ZDHHC23: variants seen among roughly 807,000 people sequenced by gnomAD.
The protein encoded by ZDHHC23 is zDHHC palmitoyltransferase 23.
In ZDHHC23, 41 loss-of-function variants were observed where a neutral mutation model predicts 40.2. The ratio of observed to expected loss-of-function variants is 1.02; its 90% CI spans 0.79 to 1.32. The LOEUF (loss-of-function observed/expected upper bound fraction) is 1.32. Ranked by LOEUF, ZDHHC23 falls within the 40% of genes most tolerant of loss-of-function variation. The pLI is 0.00. For synonymous variants in ZDHHC23, 204 were observed against 210.2 expected, an observed-to-expected ratio of 0.97 and a Z score of 0.26; for missense variants, 471 against 541.5, an observed-to-expected ratio of 0.87 and a Z score of 1.29.
Position 113,954,407 on chromosome 3 carries a change from T to A in ZDHHC23, c.869T>A (p.Val290Asp), listed in dbSNP as rs186186970. 1.3e-6 allele frequency: 2 copies of A among 1,578,886 alleles called. No homozygotes were observed. Among genetic ancestry groups the A allele is most frequent in the East Asian group, 2.3e-5 (1 of 43,338 alleles). Residue 290 changes from valine (V) to aspartate (D), a missense_variant, in exon 3 of 5, where the codon GTC becomes GAC. By Grantham distance (152) the Val-to-Asp change is radical. This residue lies in a region of ZDHHC23 where 346 missense variants were observed against 399.8 expected (regional missense o/e 0.87). Coordinates refer to ENST00000638807, the MANE Select transcript of ZDHHC23 (RefSeq NM_001320466.2). ...ICVRRMDHHC[V>D]WINSCVGESN... ...GTGAGGAGAATGGATCATCATTGTG[T>A]CTGGTATGTTGGAAACATTTGGAGA...
At chr3:113,966,279 TTAAG>T (rs780294696), downstream of ZDHHC23, among the ~76,000 whole-genome samples, 5 of 152,134 alleles carry the variant, frequency 3.3e-5, no homozygotes, top group East Asian at 1.9e-4. Context: ...GGAAGACTGT[TTAAG>T]TGAGTGTCTG....
chr3:113,975,133 C>T, the ZDHHC23 span, among the ~76,000 whole-genome samples: 4 of 152,024 alleles, frequency 2.6e-5, no homozygotes, highest in South Asian at 8.3e-4. Context: ...CTACCTACTT[C>T]ATGTTCATAC....
At position 113,953,284 on chromosome 3, in the gene ZDHHC23, C is replaced by T. The variant is rs145175343; in HGVS notation, c.162-416C>T. 1.4e-3 allele frequency among the ~76,000 whole-genome samples: 207 copies of T among 152,338 alleles called. 2 individuals carry two copies. Among genetic ancestry groups the T allele is most frequent in the African/African-American group, 4.8e-3 (199 of 41,576 alleles). On this transcript the variant is annotated intron_variant, in intron 2 of 4. Coordinates refer to ENST00000638807, the MANE Select transcript of ZDHHC23 (RefSeq NM_001320466.2). ...AAGACTCCACCCAGAAGTATTGATGCTAGTCTGAGCACTCCTTATAATGTT... is the reference window on the plus strand; with the variant it reads ...AAGACTCCACCCAGAAGTATTGATGTTAGTCTGAGCACTCCTTATAATGTT...
chr3:113,958,265 T>G, intron 4 of ZDHHC23, 98 bp from the exon 5 acceptor site: 1 of 1,144,446 alleles, frequency 8.7e-7, no homozygotes, highest in Non-Finnish European at 1.3e-6. Flanking sequence ...GCCAAAGTCT[T>G]TAGTAATAAG....
chr3:113,975,655 A>C, the ZDHHC23 span, among the ~76,000 whole-genome samples: 2 of 152,216 alleles, frequency 1.3e-5, no homozygotes, highest in African/African-American at 4.8e-5. Context: ...GGGCAGTTTA[A>C]TGGATAGACA....
intron 3 of ZDHHC23, among the ~76,000 whole-genome samples, chr3:113,955,248 G>A (rs1939066610): frequency 6.6e-6 from 1 of 152,176 alleles, no homozygotes; most frequent in South Asian, 2.1e-4. Context: ...CATTGGCGTG[G>A]GCCTCAAGTG....
At chr3:113,977,397 C>T in the ZDHHC23 span, among the ~76,000 whole-genome samples, 1 of 152,136 alleles carries the variant, frequency 6.6e-6, no homozygotes, top group Non-Finnish European at 1.5e-5. Context: ...ACCAAATCAC[C>T]ACTCTTAAAG....
Position 113,959,032 on chromosome 3 carries a change from CAG to C in ZDHHC23, c.*403_*404del. Reference sequence around the variant, plus strand: ...CTAGCTGAGTCACTTTCCCAAGTCTCAGGGTCATCTGCAAAGTGGGGTACTGA... The same window carrying C: ...CTAGCTGAGTCACTTTCCCAAGTCTCGGTCATCTGCAAAGTGGGGTACTGA... On this transcript the variant is annotated 3_prime_UTR_variant, in exon 5 of 5. Transcript: ENST00000638807. 9.3e-7 allele frequency: 1 copy of C among 1,073,496 alleles called. No individual in the cohort carries two copies. The highest frequency in any genetic ancestry group is 6.0e-5 in the East Asian group (1 of 16,684). The allele number at this position is 1,073,496 out of a possible 1,614,324, so 66.5% of individuals were successfully genotyped here.
At chr3:113,978,553 G>C in the ZDHHC23 span, 7 of 596,198 alleles carry the variant, frequency 1.2e-5, no homozygotes, top group African/African-American at 1.9e-5. Flanking sequence ...GATTGAAGGG[G>C]TAAGTTTCTA....
the ZDHHC23 span, among the ~76,000 whole-genome samples, chr3:113,974,525 G>A: frequency 9.7e-4 from 146 of 150,700 alleles, 1 homozygote; most frequent in African/African-American, 3.5e-3. Context: ...TCACCATGTT[G>A]GCCAGGCTGG....
downstream of ZDHHC23, among the ~76,000 whole-genome samples, chr3:113,963,611 A>G (rs1458250867): frequency 6.8e-6 from 1 of 147,026 alleles, no homozygotes; most frequent in Non-Finnish European, 1.5e-5. Flanking sequence ...TTAGCTGGGC[A>G]TGTAATCCCA....
At chr3:113,974,736 ATTGT>A in the ZDHHC23 span, among the ~76,000 whole-genome samples, 2 of 151,666 alleles carry the variant, frequency 1.3e-5, no homozygotes, top group African/African-American at 2.4e-5. Flanking sequence ...TTGATTAGAG[ATTGT>A]TTGTAATTTA....
chr3:113,978,545 T>C, the ZDHHC23 span: 3 of 604,710 alleles, frequency 5.0e-6, no homozygotes, highest in Non-Finnish European at 8.5e-6. Context: ...AGTTATAAGA[T>C]TGAAGGGGTA....
chr3:113,969,359 C>G (rs1189026574), downstream of ZDHHC23, among the ~76,000 whole-genome samples: 1 of 152,100 alleles, frequency 6.6e-6, no homozygotes. Flanking sequence ...TTGATGTAAT[C>G]CCAGTTGTCT....
At chr3:113,965,310 T>G (rs779967566), downstream of ZDHHC23, 1 of 1,610,870 alleles carries the variant, frequency 6.2e-7, no homozygotes, top group South Asian at 1.1e-5. Context: ...TCCTCTTTCA[T>G]AAATTTTACA....
At chr3:113,949,483 A>C (rs1370813318) in intron 2 of ZDHHC23, among the ~76,000 whole-genome samples, 1 of 152,186 alleles carries the variant, frequency 6.6e-6, no homozygotes, top group Non-Finnish European at 1.5e-5. Flanking sequence ...CCCTGGATTC[A>C]CAGTTTTCAG....
At chr3:113,978,438 A>T in the ZDHHC23 span, 17 of 1,093,916 alleles carry the variant, frequency 1.6e-5, no homozygotes, top group Admixed American at 4.7e-5. Context: ...GAAACAAATG[A>T]CACTAGAGAC....
In ZDHHC23 at chr3:113,958,740, G is replaced by A. The variant is rs781666320; in HGVS notation, c.*110G>A. On this transcript the variant is annotated 3_prime_UTR_variant, in exon 5 of 5. Coordinates refer to ENST00000638807, the MANE Select transcript of ZDHHC23 (RefSeq NM_001320466.2). ...CCCAGTTTCTTAAAGGCATTATAGG[G>A]CCATGCTCAGGTTTAGAGACTGGAG... 2.5e-6 allele frequency: 4 copies of A among 1,581,966 alleles called. No individual in the cohort carries two copies. Among genetic ancestry groups the A allele is most frequent in the East Asian group, 2.3e-5 (1 of 43,768 alleles).
At chr3:113,966,670 A>G (rs1940207036), downstream of ZDHHC23, among the ~76,000 whole-genome samples, 1 of 152,212 alleles carries the variant, frequency 6.6e-6, no homozygotes, top group South Asian at 2.1e-4. Flanking sequence ...TCACAACTAT[A>G]GGCAGAGATG....
Sources: allele counts gnomAD v4.1 joint callset (sites outside exome capture counted in the v4.1 genomes callset), GRCh38; gene constraint gnomAD v4.1.1; regional missense constraint gnomAD v4.1.1; transcripts MANE v1.5; gene names NCBI Gene and HGNC (gene_info 2026-07-23, HGNC 2026-07-21).